The following NRP1 variants were observed in gnomAD, a reference collection of about 807,000 sequenced individuals.
The protein encoded by NRP1 is neuropilin 1.
NRP1 carries 35 observed loss-of-function variants against 106.7 expected under a neutral mutation model. That is an observed-to-expected ratio of 0.33 (90% CI 0.25 to 0.43). NRP1 has a LOEUF of 0.43. Among genes scored for constraint, NRP1 ranks in the 20% least tolerant of loss-of-function variants. NRP1 has a pLI of 1.00. For missense variants in NRP1, 1,024 were observed against 1,170.4 expected (o/e 0.87, Z 1.83); for synonymous variants, 437 against 417.9 (o/e 1.05, Z -0.56).
rs1438196058 is a variant in NRP1, at chr10:33,327,396, T to A, written c.248+3312A>T. ...ATGTTTTTTACTGCCAACAGACATA[T>A]AATGAAGCTGGAACAAGGAAAAATA... On this transcript the variant is annotated intron_variant, in intron 2 of 16. Coordinates refer to ENST00000374867, the MANE Select transcript of NRP1 (RefSeq NM_003873.7). Among the ~76,000 whole-genome samples, 16 of 152,120 alleles carry A rather than the reference T, an allele frequency of 1.1e-4. No homozygotes were observed. The East Asian group carries it at 1.5e-3, about 15-fold the overall frequency.
chr10:33,255,950 T>C (rs1252852495), intron 5 of NRP1, among the ~76,000 whole-genome samples: 4 of 152,190 alleles, frequency 2.6e-5, no homozygotes, highest in African/African-American at 9.6e-5. Flanking sequence ...CTACTTTAGA[T>C]TTGTTCTTAT....
At chr10:33,305,383 G>A (rs1846076735) in intron 2 of NRP1, among the ~76,000 whole-genome samples, 1 of 152,154 alleles carries the variant, frequency 6.6e-6, no homozygotes, top group Non-Finnish European at 1.5e-5. Context: ...GGATGACACA[G>A]CATAAGTTAT....
chr10:33,239,242 C>T (rs1015541365), intron 6 of NRP1, among the ~76,000 whole-genome samples: 12 of 151,616 alleles, frequency 7.9e-5, no homozygotes, highest in African/African-American at 2.9e-4. Context: ...GAGCTGCAAT[C>T]GTGCCACTGC....
chr10:33,204,774 C>G (rs1837628313), intron 10 of NRP1, among the ~76,000 whole-genome samples: 1 of 152,064 alleles, frequency 6.6e-6, no homozygotes, highest in Admixed American at 6.5e-5. Flanking sequence ...TCTTGTCACC[C>G]AGGCTGGAGT....
intron 6 of NRP1, among the ~76,000 whole-genome samples, chr10:33,246,958 A>C (rs1888689): frequency 0.18 from 26,806 of 152,140 alleles, 2,790 homozygotes; most frequent in East Asian, 0.51. Context: ...AATTTGGTGA[A>C]AAAAATCAAA....
chr10:33,304,132 C>A (rs771784596), intron 2 of NRP1, among the ~76,000 whole-genome samples: 5 of 152,134 alleles, frequency 3.3e-5, no homozygotes, highest in Non-Finnish European at 5.9e-5. Flanking sequence ...ACACACACAC[C>A]CAGGCCAAAT....
chr10:33,290,409 T>C (rs1212329938), intron 2 of NRP1, among the ~76,000 whole-genome samples: 2 of 150,670 alleles, frequency 1.3e-5, no homozygotes, highest in Non-Finnish European at 2.9e-5. Context: ...TGACCGACCC[T>C]GGTTAATCCA....
At chr10:33,268,862 G>A (rs1180287414) in intron 3 of NRP1, among the ~76,000 whole-genome samples, 1 of 151,848 alleles carries the variant, frequency 6.6e-6, no homozygotes, top group Non-Finnish European at 1.5e-5. Context: ...CTATACGAAA[G>A]GTGTTCTAAG....
intron 12 of NRP1, 77 bp downstream of exon 12, chr10:33,197,573 A>G: frequency 8.9e-7 from 1 of 1,129,744 alleles, no homozygotes; most frequent in Non-Finnish European, 1.3e-6. Context: ...CTTTCAGAGA[A>G]ACTGAAAGCG....
At chr10:33,326,428 G>A (rs953101156) in intron 2 of NRP1, among the ~76,000 whole-genome samples, 6 of 152,090 alleles carry the variant, frequency 3.9e-5, no homozygotes, top group Admixed American at 3.3e-4. Context: ...CTTCACAAGT[G>A]TGCAGGATTT....
At chr10:33,248,256 C>T (rs1841573379) in intron 6 of NRP1, among the ~76,000 whole-genome samples, 1 of 152,156 alleles carries the variant, frequency 6.6e-6, no homozygotes. Context: ...TGCCACTGCA[C>T]TCCAGCCTGG....
Position 33,203,722 on chromosome 10 carries a change from CTTTTTTTTTTTTTTTTT to C in NRP1, c.1760-744_1760-728del, listed in dbSNP as rs34343692. Among the ~76,000 whole-genome samples the C allele has an allele frequency of 4.4e-5, 3 of 68,134 alleles. 1 individual carries two copies. The highest frequency in any genetic ancestry group is 7.7e-5 in the Non-Finnish European group (3 of 38,808). 44.7% of individuals were successfully genotyped at this position (68,134 alleles called of 152,430 possible). A position where few individuals can be genotyped will look rare whatever the true frequency, so the allele number is the denominator to read the frequency against. On this transcript the variant is annotated intron_variant, in intron 10 of 16. Transcript: ENST00000374867. Reference sequence around the variant, plus strand: ...GGTATCCAATATTAATCAAAGACTGCTTTTTTTTTTTTTTTTTTTTTTTTTTTTTGAGACGGAGTCTC... The same window carrying C: ...GGTATCCAATATTAATCAAAGACTGCTTTTTTTTTTTTGAGACGGAGTCTC...
chr10:33,203,658 T>C (rs189703193), intron 10 of NRP1, among the ~76,000 whole-genome samples: 1 of 151,980 alleles, frequency 6.6e-6, no homozygotes, highest in East Asian at 1.9e-4. Context: ...CATTCCACTG[T>C]TCACAGGTAT....
intron 2 of NRP1, among the ~76,000 whole-genome samples, chr10:33,313,029 T>C (rs114546863): frequency 0.011 from 1,751 of 152,322 alleles, 34 homozygotes; most frequent in African/African-American, 0.04. Context: ...ACTGTGAATG[T>C]TATATTCAAC....
chr10:33,217,617 GC>G (rs1838880121), intron 8 of NRP1, among the ~76,000 whole-genome samples: 1 of 152,126 alleles, frequency 6.6e-6, no homozygotes, highest in Non-Finnish European at 1.5e-5. Context: ...GAAACAAGAT[GC>G]CCAGTGAAAT....
At chr10:33,264,622 A>T (rs1171844723) in intron 3 of NRP1, among the ~76,000 whole-genome samples, 3 of 152,316 alleles carry the variant, frequency 2.0e-5, no homozygotes, top group Admixed American at 6.5e-5. Flanking sequence ...TGTAATGCAT[A>T]TATTTATAAT....
At chr10:33,307,056 C>T (rs2132748174) in intron 2 of NRP1, among the ~76,000 whole-genome samples, 1 of 152,318 alleles carries the variant, frequency 6.6e-6, no homozygotes, top group African/African-American at 2.4e-5. Context: ...TTCATAGCTT[C>T]CTTGCTTAGT....
chr10:33,291,820 C>T (rs1845014390), intron 2 of NRP1, among the ~76,000 whole-genome samples: 1 of 152,098 alleles, frequency 6.6e-6, no homozygotes, highest in South Asian at 2.1e-4. Flanking sequence ...TCAATATATC[C>T]TTATTTTCAA....
At chr10:33,218,767 A>G (rs1838989555) in intron 8 of NRP1, among the ~76,000 whole-genome samples, 1 of 152,238 alleles carries the variant, frequency 6.6e-6, no homozygotes, top group Admixed American at 6.5e-5. Flanking sequence ...AGGTAGGCTT[A>G]AACAAAATCC....
Sources: gnomAD v4.1 joint callset for allele counts (sites outside exome capture counted in the v4.1 genomes callset) on GRCh38, gnomAD v4.1.1 for gene constraint, MANE v1.5 for transcripts, NCBI Gene and HGNC (gene_info 2026-07-23, HGNC 2026-07-21) for gene names.